MAGI2: variants seen among roughly 807,000 people sequenced by gnomAD.
MAGI2 encodes the protein membrane-associated guanylate kinase, WW and PDZ domain-containing protein 2.
Under a neutral mutation model 133.3 loss-of-function variants are expected in MAGI2, and 35 were observed. That is an observed-to-expected ratio of 0.26 (90% CI 0.20 to 0.35). MAGI2 has a LOEUF of 0.35. Among genes scored for constraint, MAGI2 ranks in the 10% least tolerant of loss-of-function variants. The pLI, the probability that MAGI2 is intolerant of heterozygous loss-of-function variation, is 1.00. For missense variants in MAGI2, 1,636 were observed against 1,863.4 expected (o/e 0.88, Z 2.25); for synonymous variants, 729 against 710.6 (o/e 1.03, Z -0.41).
chr7:78,277,322 A>G (rs1388224005), intron 9 of MAGI2, among the ~76,000 whole-genome samples: 1 of 152,198 alleles, frequency 6.6e-6, no homozygotes, highest in Non-Finnish European at 1.5e-5. Flanking sequence ...CAGTGATCAC[A>G]AAAGTATCAA....
chr7:79,111,566 C>T (rs1172323302), intron 1 of MAGI2, among the ~76,000 whole-genome samples: 2 of 151,990 alleles, frequency 1.3e-5, no homozygotes, highest in Admixed American at 6.6e-5. Context: ...TTGTAATACT[C>T]GGAAAAAATA....
intron 2 of MAGI2, among the ~76,000 whole-genome samples, chr7:78,837,911 T>C (rs1180118358): frequency 6.6e-6 from 1 of 152,132 alleles, no homozygotes; most frequent in African/African-American, 2.4e-5. Flanking sequence ...ATCACCTAGA[T>C]GAGAATTCAA....
intron 2 of MAGI2, among the ~76,000 whole-genome samples, chr7:78,675,363 T>A (rs1357333160): frequency 6.6e-6 from 1 of 151,712 alleles, no homozygotes; most frequent in African/African-American, 2.4e-5. Flanking sequence ...ACAGCAAGAA[T>A]AAGCTAGTGC....
chr7:78,309,925 G>T (rs1338204666), intron 9 of MAGI2, among the ~76,000 whole-genome samples: 1 of 152,038 alleles, frequency 6.6e-6, no homozygotes, highest in African/African-American at 2.4e-5. Context: ...CCTATGTAAA[G>T]CTTAATGTAG....
chr7:78,508,888 CT>C (rs11329362), intron 4 of MAGI2, among the ~76,000 whole-genome samples: 55,460 of 141,170 alleles, frequency 0.39, 10,719 homozygotes, highest in South Asian at 0.52. Flanking sequence ...GAAAAATAGT[CT>C]TTTTTTTTTT....
chr7:79,308,131 A>T (rs1837967019), intron 1 of MAGI2, among the ~76,000 whole-genome samples: 1 of 152,220 alleles, frequency 6.6e-6, no homozygotes, highest in Admixed American at 6.5e-5. Context: ...TATTTATTGA[A>T]TGCTGTGTGT....
At chr7:78,300,701 G>C (rs186029639) in intron 9 of MAGI2, among the ~76,000 whole-genome samples, 2 of 152,330 alleles carry the variant, frequency 1.3e-5, no homozygotes, top group African/African-American at 4.8e-5. Flanking sequence ...GGAAAGAACT[G>C]ATTCCCCAGG....
intron 2 of MAGI2, among the ~76,000 whole-genome samples, chr7:78,963,633 A>C (rs1803052115): frequency 6.6e-6 from 1 of 151,998 alleles, no homozygotes; most frequent in African/African-American, 2.4e-5. Context: ...ACAAAACTGA[A>C]ACTCCATACT....
intron 9 of MAGI2, among the ~76,000 whole-genome samples, chr7:78,260,729 G>C (rs77801865): frequency 0.011 from 1,603 of 152,202 alleles, 21 homozygotes; most frequent in African/African-American, 0.036. Context: ...TTGAGTGTGA[G>C]TGATGAGTTA....
At chr7:78,428,301 T>A (rs958943729) in intron 6 of MAGI2, among the ~76,000 whole-genome samples, 3 of 152,108 alleles carry the variant, frequency 2.0e-5, no homozygotes, top group African/African-American at 4.8e-5. Context: ...AAATACAAAG[T>A]CATTATTTGA....
chr7:78,182,293 G>A (rs1314059858), intron 13 of MAGI2, among the ~76,000 whole-genome samples: 1 of 152,170 alleles, frequency 6.6e-6, no homozygotes. Context: ...TATAGAAAGA[G>A]TTAAACAGGA....
intron 5 of MAGI2, among the ~76,000 whole-genome samples, chr7:78,491,135 T>C (rs2150494371): frequency 6.6e-6 from 1 of 152,210 alleles, no homozygotes; most frequent in East Asian, 1.9e-4. Context: ...GATAAACCAA[T>C]CTGTACTTAC....
At chr7:78,161,682 A>G (rs1301361912) in intron 15 of MAGI2, among the ~76,000 whole-genome samples, 5 of 145,986 alleles carry the variant, frequency 3.4e-5, no homozygotes, top group South Asian at 2.1e-4. Context: ...AAAAAAAAAA[A>G]AAAAAGAAAA....
chr7:78,891,350 A>G (rs1412010236), intron 2 of MAGI2, among the ~76,000 whole-genome samples: 1 of 152,232 alleles, frequency 6.6e-6, no homozygotes, highest in South Asian at 2.1e-4. Context: ...TCAATAGAAA[A>G]AGAGAGAATC....
At chr7:78,145,591 G>A (rs1158982730) in intron 16 of MAGI2, among the ~76,000 whole-genome samples, 1 of 152,086 alleles carries the variant, frequency 6.6e-6, no homozygotes, top group Non-Finnish European at 1.5e-5. Flanking sequence ...GGCAAATTTG[G>A]CCCCCTGTTG....
intron 3 of MAGI2, among the ~76,000 whole-genome samples, chr7:78,608,252 A>G (rs1359089690): frequency 5.3e-5 from 8 of 151,858 alleles, no homozygotes; most frequent in African/African-American, 1.9e-4. Context: ...TAACCCTTCA[A>G]ATCAATCCTC....
rs866432081 is a variant in MAGI2, at chr7:78,833,947, A to G, written c.418+173143T>C. Among the ~76,000 whole-genome samples, 22 of 152,320 alleles carry G rather than the reference A, an allele frequency of 1.4e-4. 1 individual carries two copies. In the Middle Eastern group the frequency reaches 0.037, roughly 259 times the overall value. ...AAACTGAAAGTTTTTTCTATACTCCATAGCCAGAAATCATTTTACTAACGT... is the reference window on the plus strand; with the variant it reads ...AAACTGAAAGTTTTTTCTATACTCCGTAGCCAGAAATCATTTTACTAACGT... On this transcript the variant is annotated intron_variant, in intron 2 of 21. Coordinates refer to ENST00000354212, the MANE Select transcript of MAGI2 (RefSeq NM_012301.4).
intron 1 of MAGI2, among the ~76,000 whole-genome samples, chr7:79,132,337 A>G (rs965213640): frequency 2.0e-5 from 3 of 151,792 alleles, no homozygotes; most frequent in Non-Finnish European, 4.4e-5. Context: ...CCATTATATC[A>G]CTCTGTGTGA....
chr7:78,274,542 G>A (rs1794875231), intron 9 of MAGI2, among the ~76,000 whole-genome samples: 2 of 152,164 alleles, frequency 1.3e-5, no homozygotes, highest in African/African-American at 4.8e-5. Flanking sequence ...GCCCAGAACC[G>A]CCCCTTCCCC....
Sources: gnomAD v4.1 joint callset for allele counts (sites outside exome capture counted in the v4.1 genomes callset) on GRCh38, gnomAD v4.1.1 for gene constraint, MANE v1.5 for transcripts, NCBI Gene and HGNC (gene_info 2026-07-23, HGNC 2026-07-21) for gene names.